AKAP8L: variants seen among roughly 807,000 people sequenced by gnomAD.
AKAP8L encodes A-kinase anchor protein 8-like.
AKAP8L carries 34 observed loss-of-function variants against 77.5 expected under a neutral mutation model. The observed-to-expected ratio is 0.44, with a 90% confidence interval of 0.33 to 0.58. AKAP8L has a LOEUF of 0.58. Ranked by LOEUF, AKAP8L falls within the 20% of genes least tolerant of loss-of-function variation. The pLI is 0.02. For synonymous variants in AKAP8L, 342 were observed against 340.7 expected (o/e 1.00, Z -0.04); for missense variants, 806 against 887.6 (o/e 0.91, Z 1.17).
intron 1 of AKAP8L, among the ~76,000 whole-genome samples, chr19:15,415,450 A>G (rs1968185967): frequency 6.6e-6 from 1 of 151,988 alleles, no homozygotes; most frequent in South Asian, 2.1e-4. Context: ...AACAAAACAA[A>G]TGCTTCTCAG....
rs917802986 is a variant in AKAP8L, at chr19:15,384,666, GT to G, written c.1537-4055del. 5.9e-5 allele frequency among the ~76,000 whole-genome samples: 9 copies of G among 152,092 alleles called. No individual in the cohort carries two copies. In the East Asian group the frequency reaches 1.4e-3, roughly 23 times the overall value. The stretch of plus-strand genomic sequence containing the variant: ...ATACATTGTGTGGTTATTTTAAGTA[GT>G]TTTTTTTCCATTTAAATTTCTAACT... On this transcript the variant is annotated intron_variant, in intron 12 of 13. Transcript: ENST00000397410.
rs1016963234 is a variant in AKAP8L, at chr19:15,380,630, G to A, written c.1537-18C>T. On this transcript the variant is annotated intron_variant, in intron 12 of 13. Coordinates refer to ENST00000397410, the MANE Select transcript of AKAP8L (RefSeq NM_014371.4). ...ATCATGAGCTGCGGGCAGGGCAGAA[G>A]GAGCTGGAGAGGCTGCTCTGAGTGC... 6.8e-6 allele frequency: 11 copies of A among 1,611,926 alleles called. No individual in the cohort carries two copies. The African/African-American group carries it at 9.3e-5, about 14-fold the overall frequency.
chr19:15,388,686 C>T (rs1475388736), intron 12 of AKAP8L, among the ~76,000 whole-genome samples: 26 of 151,898 alleles, frequency 1.7e-4, no homozygotes, highest in Admixed American at 1.1e-3. Context: ...GAGGCCGAGG[C>T]GGGCAGATCA....
intron 1 of AKAP8L, among the ~76,000 whole-genome samples, chr19:15,418,480 C>A (rs1968256837): frequency 6.6e-6 from 1 of 151,056 alleles, no homozygotes; most frequent in South Asian, 2.1e-4. Context: ...TGTAGAGCTG[C>A]GGCGTTTTTG....
intron 12 of AKAP8L, among the ~76,000 whole-genome samples, chr19:15,395,537 T>C (rs539718871): frequency 4.6e-5 from 7 of 151,180 alleles, no homozygotes; most frequent in African/African-American, 1.7e-4. Context: ...AAGGTCTCCA[T>C]CTCTTGACCT....
chr19:15,404,162 G>A (rs985358193), intron 2 of AKAP8L, 120 bp from the exon 3 acceptor site: 32 of 980,152 alleles, frequency 3.3e-5, no homozygotes, highest in Middle Eastern at 2.1e-4. Context: ...TCCCCTAACC[G>A]AGAAGCCTTG....
rs963002717 is a variant in AKAP8L at position 15,399,585 on chromosome 19, G to A, written c.1049-175C>T. On this transcript the variant is annotated intron_variant, in intron 8 of 13. Transcript: ENST00000397410. The surrounding 1 kb of genome is among the most constrained non-coding windows in gnomAD (Gnocchi z 6.1). ...GTATCCTGGGCTGTGCAGGGAGTGG[G>A]TTTGGCCTAGGCCCCAAGGAGTGGG... 7 of 622,562 alleles carry A rather than the reference G, an allele frequency of 1.1e-5. No individual in the cohort carries two copies. Among genetic ancestry groups the A allele is most frequent in the Non-Finnish European group, 2.0e-5 (7 of 346,150 alleles). The allele number at this position is 622,562 out of a possible 1,614,324, so 38.6% of individuals were successfully genotyped here.
chr19:15,397,806 C>T lies in AKAP8L; in HGVS notation c.1207G>A (p.Glu403Lys), dbSNP rs774375225. Reference sequence around the variant, plus strand: ...TTGCTGTCAAGATGGCTGGCCATCTCGTCCTCATAGAAGGTCCGGTATTTG... The same window carrying T: ...TTGCTGTCAAGATGGCTGGCCATCTTGTCCTCATAGAAGGTCCGGTATTTG... ...LCKYRTFYED[E>K]MASHLDSKFH... The change falls in exon 10 of 14, where the codon GAG becomes AAG. Residue 403 changes from glutamate (E) to lysine (K), a missense_variant. Transcript: ENST00000397410. This position sits in a 1 kb window ranked among gnomAD's most constrained non-coding sequence, Gnocchi z 4.7. 9.9e-6 allele frequency: 16 copies of T among 1,613,814 alleles called. No individual in the cohort carries two copies. Among genetic ancestry groups the T allele is most frequent in the Non-Finnish European group, 1.4e-5 (16 of 1,179,878 alleles).
intron 2 of AKAP8L, 158 bp from the exon 3 acceptor site, chr19:15,404,200 A>G (rs1403033620): frequency 1.4e-5 from 9 of 659,706 alleles, no homozygotes; most frequent in Admixed American, 9.2e-5. Context: ...CAAATGACCC[A>G]GGCCACTTGC....
intron 12 of AKAP8L, among the ~76,000 whole-genome samples, chr19:15,385,228 C>T (rs967431429): frequency 2.6e-5 from 4 of 152,038 alleles, no homozygotes; most frequent in Non-Finnish European, 5.9e-5. Context: ...CCGCCCGCCT[C>T]GGCCTCCCAA....
At chr19:15,392,002 A>G (rs1168202719) in intron 12 of AKAP8L, among the ~76,000 whole-genome samples, 1 of 152,144 alleles carries the variant, frequency 6.6e-6, no homozygotes, top group Admixed American at 6.5e-5. Flanking sequence ...CACCTGGCTA[A>G]CTTGTTTCTT....
intron 1 of AKAP8L, among the ~76,000 whole-genome samples, chr19:15,411,653 T>C (rs1045896443): frequency 6.6e-6 from 1 of 152,076 alleles, no homozygotes; most frequent in Non-Finnish European, 1.5e-5. Context: ...AAAACAATTA[T>C]TTCTTAAAAG....
chr19:15,380,674 G>A lies in AKAP8L; in HGVS notation c.1537-62C>T, dbSNP rs533445497. On this transcript the variant is annotated intron_variant, in intron 12 of 13. Transcript: ENST00000397410. ...TGAGTGCCCTACAAGTTGCTGCCCC[G>A]ACCCTGCCAGCTTAGAGGGACCCCA... 105 of 1,538,840 alleles carry A rather than the reference G, an allele frequency of 6.8e-5. No individual in the cohort carries two copies. In the African/African-American group the frequency reaches 1.3e-3, roughly 20 times the overall value.
chr19:15,398,973 G>A lies in AKAP8L; in HGVS notation c.1157+329C>T. The A allele has an allele frequency of 2.5e-6, 1 of 393,168 alleles. No homozygotes were observed. The highest frequency in any genetic ancestry group is 4.0e-5 in the Admixed American group (1 of 24,986). 24.4% of individuals were successfully genotyped at this position (393,168 alleles called of 1,614,324 possible). A position where few individuals can be genotyped will look rare whatever the true frequency, so the allele number is the denominator to read the frequency against. Reference sequence around the variant, plus strand: ...TGGACCTTGAGTCTCTGATGAGCTGGCCCCCTCCCTCAGGGGCATCAGGCC... The same window carrying A: ...TGGACCTTGAGTCTCTGATGAGCTGACCCCCTCCCTCAGGGGCATCAGGCC... On this transcript the variant is annotated intron_variant, in intron 9 of 13. Coordinates refer to ENST00000397410, the MANE Select transcript of AKAP8L (RefSeq NM_014371.4). This position sits in a 1 kb window ranked among gnomAD's most constrained non-coding sequence, Gnocchi z 9.2.
Position 15,401,276 on chromosome 19 carries a change from G to A in AKAP8L, c.690C>T (p.Tyr230=), listed in dbSNP as rs1028050952. The change falls in exon 5 of 14, where the codon TAC becomes TAT. Residue 230 remains tyrosine (Y), a synonymous_variant. Coordinates refer to ENST00000397410, the MANE Select transcript of AKAP8L (RefSeq NM_014371.4). The surrounding 1 kb of genome is among the most constrained non-coding windows in gnomAD (Gnocchi z 6.2). ...SLFSQNIIPE[Y]GMFQGMRGGG... ...CACCTCGCATGCCCTGGAACATGCC[G>A]TACTCGGGGATGATGTTCTGGGAGA... The A allele has an allele frequency of 2.7e-5, 44 of 1,613,688 alleles. No homozygotes were observed. The highest frequency in any genetic ancestry group is 4.5e-5 in the East Asian group (2 of 44,894).
Position 15,403,376 on chromosome 19 carries a change from G to C in AKAP8L, c.362+99C>G, listed in dbSNP as rs575301099. On this transcript the variant is annotated intron_variant, in intron 4 of 13. Coordinates refer to ENST00000397410, the MANE Select transcript of AKAP8L (RefSeq NM_014371.4). The surrounding 1 kb of genome is among the most constrained non-coding windows in gnomAD (Gnocchi z 4.3). ...CACAGCAGCACCAAGCAGCGGGGAG[G>C]AAGCAGACACAGAGGGGCACTCAGA... 4 of 1,160,304 alleles carry C rather than the reference G, an allele frequency of 3.4e-6. No homozygotes were observed. The Admixed American group carries it at 5.3e-5, about 16-fold the overall frequency. 71.9% of individuals were successfully genotyped at this position (1,160,304 alleles called of 1,614,324 possible).
chr19:15,398,218 G>A lies in AKAP8L; in HGVS notation c.1158-363C>T. ...CACTTGGCCCAGGTGGGGACCGGAAGGAAGGATGCCCTGGCGTGAGCCAGG... is the reference window on the plus strand; with the variant it reads ...CACTTGGCCCAGGTGGGGACCGGAAAGAAGGATGCCCTGGCGTGAGCCAGG... On this transcript the variant is annotated intron_variant, in intron 9 of 13. Transcript: ENST00000397410. This position sits in a 1 kb window ranked among gnomAD's most constrained non-coding sequence, Gnocchi z 9.2. The A allele has an allele frequency of 3.2e-6, 1 of 311,454 alleles. No homozygotes were observed. The highest frequency in any genetic ancestry group is 2.1e-5 in the African/African-American group (1 of 47,278). 19.3% of individuals were successfully genotyped at this position (311,454 alleles called of 1,614,324 possible).
At position 15,397,799 on chromosome 19, in the gene AKAP8L, G is replaced by A; in HGVS notation, c.1214C>T (p.Ala405Val). ...KYRTFYEDEM[A>V]SHLDSKFHKE... ...GTGGAACTTGCTGTCAAGATGGCTG[G>A]CCATCTCGTCCTCATAGAAGGTCCG... The change falls in exon 10 of 14, where the codon GCC becomes GTC. Residue 405 changes from alanine to valine, a missense_variant. By Grantham distance (64) the Ala-to-Val change is moderately conservative. This residue lies in a region of AKAP8L where 580 missense variants were observed against 694.1 expected (regional missense o/e 0.84). Transcript: ENST00000397410. The surrounding 1 kb of genome is among the most constrained non-coding windows in gnomAD (Gnocchi z 4.7). 1 of 1,613,916 alleles carries A rather than the reference G, an allele frequency of 6.2e-7. No homozygotes were observed. The highest frequency in any genetic ancestry group is 8.5e-7 in the Non-Finnish European group (1 of 1,179,874).
chr19:15,380,483 C>A, intron 13 of AKAP8L, 34 bp downstream of exon 13: 1 of 1,613,326 alleles, frequency 6.2e-7, no homozygotes, highest in South Asian at 1.1e-5. Flanking sequence ...GGGGACTAAG[C>A]TGGGGACAGG....
Sources: gnomAD v4.1 joint callset for allele counts (sites outside exome capture counted in the v4.1 genomes callset) on GRCh38, gnomAD v4.1.1 for gene constraint, gnomAD v4.1.1 regional missense constraint, Gnocchi (gnomAD v3.1) non-coding constraint, MANE v1.5 for transcripts, NCBI Gene and HGNC (gene_info 2026-07-23, HGNC 2026-07-21) for gene names.